Variants in HEG1 observed in about 807,000 individuals in gnomAD.
The protein encoded by HEG1 is heart development protein with EGF like domains 1.
In HEG1, 56 loss-of-function variants were observed where a neutral mutation model predicts 125.6. The observed-to-expected ratio is 0.45, with a 90% CI of 0.36 to 0.56. The LOEUF is 0.56. Among genes scored for constraint, HEG1 ranks in the 20% least tolerant of loss-of-function variants. The pLI is 0.00. For synonymous variants in HEG1, 644 were observed against 668.5 expected (o/e 0.96, Z 0.57); for missense variants, 1,523 against 1,670.0 (o/e 0.91, Z 1.53).
Position 125,055,806 on chromosome 3 carries a change from CG to C in HEG1, c.84del (p.Thr30ArgfsTer13), listed in dbSNP as rs1264953785. On this transcript the variant is annotated frameshift_variant, in exon 1 of 17. Transcript: ENST00000311127. LOFTEE classifies it high-confidence loss of function. ...LPLLLLPPAA[P>X]GTRDPPPSPA... ...GGGGAAGGCGGCGGGTCCCGCGTCCCGGGGGCCGCCGGCGGCAGCAGCAGCA... is the reference window on the plus strand; with the variant it reads ...GGGGAAGGCGGCGGGTCCCGCGTCCCGGGGCCGCCGGCGGCAGCAGCAGCA... 4 of 983,050 alleles carry C rather than the reference CG, an allele frequency of 4.1e-6. No individual in the cohort carries two copies. The highest frequency in any genetic ancestry group is 2.4e-6 in the Non-Finnish European group (2 of 829,062). The allele number at this position is 983,050 out of a possible 1,614,324, so 60.9% of individuals were successfully genotyped here.
At chr3:124,992,105 T>C (rs1409927128) in intron 12 of HEG1, among the ~76,000 whole-genome samples, 1 of 152,214 alleles carries the variant, frequency 6.6e-6, no homozygotes, top group African/African-American at 2.4e-5. Flanking sequence ...TGACATCTTC[T>C]GGGGCACAGT....
intron 14 of HEG1, among the ~76,000 whole-genome samples, chr3:124,989,729 G>C (rs976896464): frequency 6.6e-6 from 1 of 152,114 alleles, no homozygotes; most frequent in African/African-American, 2.4e-5. Flanking sequence ...TAGCATGCCT[G>C]GTGGGACTAT....
intron 14 of HEG1, among the ~76,000 whole-genome samples, chr3:124,983,080 G>A (rs1936680786): frequency 6.6e-6 from 1 of 152,186 alleles, no homozygotes; most frequent in Non-Finnish European, 1.5e-5. Flanking sequence ...CCCAGCTGCT[G>A]AGCTTCCTTC....
intron 14 of HEG1, among the ~76,000 whole-genome samples, chr3:124,981,598 G>A (rs1936654998): frequency 6.6e-6 from 1 of 152,182 alleles, no homozygotes; most frequent in African/African-American, 2.4e-5. Flanking sequence ...ACTTCTAGAG[G>A]CTTCTACGGG....
At chr3:125,019,919 G>A (rs1937310724) in intron 4 of HEG1, among the ~76,000 whole-genome samples, 1 of 152,148 alleles carries the variant, frequency 6.6e-6, no homozygotes, top group South Asian at 2.1e-4. Flanking sequence ...GTGTGGTTAT[G>A]TACAACAAAT....
chr3:125,036,843 A>G (rs1937552177), intron 1 of HEG1, among the ~76,000 whole-genome samples: 1 of 152,244 alleles, frequency 6.6e-6, no homozygotes, highest in Non-Finnish European at 1.5e-5. Flanking sequence ...TTCATACGAT[A>G]TTGGTAAAAA....
intron 5 of HEG1, among the ~76,000 whole-genome samples, chr3:125,017,802 T>G (rs1295640326): frequency 6.6e-6 from 1 of 151,170 alleles, no homozygotes; most frequent in Admixed American, 6.6e-5. Context: ...AGGCGGATCA[T>G]GAGGTCAGGA....
At chr3:124,985,470 G>A (rs1329144935) in intron 14 of HEG1, among the ~76,000 whole-genome samples, 2 of 152,164 alleles carry the variant, frequency 1.3e-5, no homozygotes, top group African/African-American at 4.8e-5. Context: ...ACTGTGAGGA[G>A]GAACCAACGT....
At chr3:125,050,056 TACTG>T (rs1412672651) in intron 1 of HEG1, among the ~76,000 whole-genome samples, 1 of 152,174 alleles carries the variant, frequency 6.6e-6, no homozygotes, top group African/African-American at 2.4e-5. Flanking sequence ...TCTCCAGCCT[TACTG>T]ACTGTTGATC....
intron 15 of HEG1, among the ~76,000 whole-genome samples, chr3:124,974,694 T>A (rs1021493788): frequency 4.6e-5 from 7 of 152,376 alleles, no homozygotes; most frequent in African/African-American, 1.7e-4. Flanking sequence ...TCAGAAATTT[T>A]AAATTATATT....
chr3:125,044,206 G>T (rs1937628425), intron 1 of HEG1, among the ~76,000 whole-genome samples: 1 of 152,190 alleles, frequency 6.6e-6, no homozygotes, highest in Admixed American at 6.5e-5. Context: ...CTAGTTAAGG[G>T]AGAAATGTAA....
At chr3:124,978,250 C>T (rs1001423305) in intron 14 of HEG1, among the ~76,000 whole-genome samples, 7 of 152,136 alleles carry the variant, frequency 4.6e-5, no homozygotes, top group African/African-American at 1.4e-4. Context: ...TGGGTTCAAG[C>T]GATTCTCCTG....
At chr3:125,020,534 C>T (rs774079701) in intron 4 of HEG1, among the ~76,000 whole-genome samples, 18 of 152,298 alleles carry the variant, frequency 1.2e-4, no homozygotes, top group Middle Eastern at 3.4e-3. Context: ...CTCAACTCTA[C>T]TGAGTGAGCT....
intron 14 of HEG1, among the ~76,000 whole-genome samples, chr3:124,990,342 T>A (rs369907704): frequency 3.2e-5 from 2 of 62,144 alleles, no homozygotes; most frequent in Non-Finnish European, 4.5e-5. Flanking sequence ...GTTTTTTGGG[T>A]TTTTTTTTTT....
chr3:125,029,232 C>T lies in HEG1; in HGVS notation c.573G>A (p.Glu191=), dbSNP rs1937460542. 1.2e-6 allele frequency: 2 copies of T among 1,613,124 alleles called. No homozygotes were observed. The highest frequency in any genetic ancestry group is 2.2e-5 in the South Asian group (2 of 90,888). The part of the protein sequence containing the change: ...FTILPVGYSL[E]IATALTSQSG... ...TCTGGGAAGTCAGAGCTGTTGCTAT[C>T]TCCAGTGAGTACCCAACAGGCAAAA... Residue 191 remains glutamate (E), a synonymous_variant, in exon 2 of 17, where the codon GAG becomes GAA. Transcript: ENST00000311127.
At position 125,012,972 on chromosome 3, in the gene HEG1, G is replaced by A; in HGVS notation, c.2607C>T (p.Gly869=). The change falls in exon 6 of 17, where the codon GGC becomes GGT. Residue 869 remains glycine (G), a synonymous_variant. Coordinates refer to ENST00000311127, the MANE Select transcript of HEG1 (RefSeq NM_020733.2). The stretch of plus-strand genomic sequence containing the variant: ...CAGCTGTAGTCTGTACGGCTATAGG[G>A]CCAGTGACCAGAGATGCTGTGCTTG... ...TLSSTASLVT[G]PIAVQTTAGK... 1 of 1,614,040 alleles carries A rather than the reference G, an allele frequency of 6.2e-7. No individual in the cohort carries two copies. Among genetic ancestry groups the A allele is most frequent in the Non-Finnish European group, 8.5e-7 (1 of 1,179,904 alleles).
chr3:125,049,702 C>G (rs1937759466), intron 1 of HEG1, among the ~76,000 whole-genome samples: 1 of 152,162 alleles, frequency 6.6e-6, no homozygotes, highest in Non-Finnish European at 1.5e-5. Context: ...CTTTCAATTT[C>G]CACTACCTCC....
At chr3:125,028,699 T>C (rs1937452550) in intron 2 of HEG1, among the ~76,000 whole-genome samples, 1 of 152,180 alleles carries the variant, frequency 6.6e-6, no homozygotes, top group Non-Finnish European at 1.5e-5. Flanking sequence ...CATGGTGGTA[T>C]GTAGTAGGTC....
chr3:125,010,687 AT>A, intron 6 of HEG1, 132 bp from the exon 7 acceptor site: 1 of 651,022 alleles, frequency 1.5e-6, no homozygotes, highest in Non-Finnish European at 2.6e-6. Flanking sequence ...GAAAGGCCAC[AT>A]TACAAAAGTA....
Sources: allele counts gnomAD v4.1 joint callset (sites outside exome capture counted in the v4.1 genomes callset), GRCh38; gene constraint gnomAD v4.1.1; transcripts MANE v1.5; gene names NCBI Gene and HGNC (gene_info 2026-07-23, HGNC 2026-07-21).